LRMDA: variants seen among roughly 807,000 people sequenced by gnomAD.
LRMDA encodes the protein leucine-rich melanocyte differentiation-associated protein.
A neutral mutation model predicts 29.8 loss-of-function variants in LRMDA; 18 were observed. The ratio of observed to expected loss-of-function variants is 0.60; its 90% CI spans 0.42 to 0.90. The LOEUF (loss-of-function observed/expected upper bound fraction) is 0.90, where lower values mean the gene tolerates loss of function less well. Among genes scored for constraint, LRMDA ranks in the 40% least tolerant of loss-of-function variants. The pLI, the probability that LRMDA is intolerant of heterozygous loss-of-function variation, is 0.00. For missense variants in LRMDA, 273 were observed against 273.9 expected (o/e 1.00, Z 0.02); for synonymous variants, 125 against 109.4 (o/e 1.14, Z -0.89).
At chr10:76,305,080 G>C (rs1195189882) in intron 5 of LRMDA, among the ~76,000 whole-genome samples, 5 of 152,192 alleles carry the variant, frequency 3.3e-5, no homozygotes, top group Non-Finnish European at 2.9e-5. Flanking sequence ...CTGGGTTACA[G>C]GTCTTCTTTG....
intron 2 of LRMDA, among the ~76,000 whole-genome samples, chr10:75,736,897 T>C (rs552217800): frequency 2.3e-4 from 35 of 152,272 alleles, no homozygotes; most frequent in African/African-American, 7.7e-4. Flanking sequence ...AGACGCCAAC[T>C]GCCAGCTATT....
chr10:76,453,944 T>C (rs1463997987), intron 6 of LRMDA, among the ~76,000 whole-genome samples: 2 of 152,232 alleles, frequency 1.3e-5, no homozygotes, highest in East Asian at 3.8e-4. Flanking sequence ...TCAAAACTCA[T>C]TTCAAAGTTC....
intron 2 of LRMDA, among the ~76,000 whole-genome samples, chr10:75,674,566 T>C (rs1841938668): frequency 6.6e-6 from 1 of 152,176 alleles, no homozygotes; most frequent in African/African-American, 2.4e-5. Flanking sequence ...TGTTTGAGCC[T>C]TCTGCCTTGA....
intron 5 of LRMDA, among the ~76,000 whole-genome samples, chr10:76,178,700 C>T (rs1375646211): frequency 6.6e-6 from 1 of 152,120 alleles, no homozygotes. Context: ...GGATCTAGAC[C>T]ATCAGAAGAA....
chr10:76,557,131 T>C, intron 6 of LRMDA, 78 bp from the exon 7 acceptor site: 1 of 1,124,992 alleles, frequency 8.9e-7, no homozygotes, highest in East Asian at 2.3e-5. Context: ...TTATCTTGCA[T>C]GTCTGCTTTT....
intron 2 of LRMDA, among the ~76,000 whole-genome samples, chr10:75,905,005 A>G (rs568849431): frequency 6.6e-6 from 1 of 152,040 alleles, no homozygotes; most frequent in Non-Finnish European, 1.5e-5. Context: ...GGAGAAAGGG[A>G]AAAAAAAGTG....
chr10:76,180,209 G>A lies in LRMDA; in HGVS notation c.516+121426G>A, dbSNP rs190510510. On this transcript the variant is annotated intron_variant, in intron 5 of 6. Transcript: ENST00000611255. The stretch of plus-strand genomic sequence containing the variant: ...AAGGTGGTAAATCAGTCCCAGGATA[G>A]AAAGACTCCTGTGAGCCCAGTAGAG... 3.3e-5 allele frequency among the ~76,000 whole-genome samples: 5 copies of A among 149,854 alleles called. No homozygotes were observed. The East Asian group carries it at 1.0e-3, about 30-fold the overall frequency.
intron 2 of LRMDA, among the ~76,000 whole-genome samples, chr10:75,578,503 T>C (rs1274676160): frequency 6.6e-6 from 1 of 151,916 alleles, no homozygotes; most frequent in South Asian, 2.1e-4. Context: ...GACAGAAAAT[T>C]AACAAGGATA....
chr10:75,469,061 T>C (rs1377237559), intron 2 of LRMDA, among the ~76,000 whole-genome samples: 3 of 152,078 alleles, frequency 2.0e-5, no homozygotes, highest in Non-Finnish European at 4.4e-5. Context: ...GCAGAGCTCC[T>C]ATGGGAGAGC....
intron 2 of LRMDA, among the ~76,000 whole-genome samples, chr10:75,487,604 A>G (rs1844930653): frequency 6.6e-6 from 1 of 151,832 alleles, no homozygotes; most frequent in Non-Finnish European, 1.5e-5. Flanking sequence ...CCTCCTTCCT[A>G]TTCTCTTACA....
chr10:76,152,140 A>G (rs1360064619), intron 5 of LRMDA, among the ~76,000 whole-genome samples: 1 of 152,186 alleles, frequency 6.6e-6, no homozygotes, highest in Non-Finnish European at 1.5e-5. Context: ...CGTCATTCCA[A>G]AGAGACACCC....
intron 6 of LRMDA, among the ~76,000 whole-genome samples, chr10:76,555,206 G>A (rs1200424148): frequency 2.0e-5 from 3 of 152,116 alleles, no homozygotes; most frequent in Admixed American, 1.3e-4. Flanking sequence ...CCTGGCATGG[G>A]TGACAATATT....
intron 2 of LRMDA, among the ~76,000 whole-genome samples, chr10:75,548,861 A>G (rs1840110565): frequency 6.6e-6 from 1 of 152,140 alleles, no homozygotes; most frequent in Non-Finnish European, 1.5e-5. Context: ...TAACTCCTCA[A>G]AAAGTCTTTT....
intron 2 of LRMDA, among the ~76,000 whole-genome samples, chr10:75,635,591 T>C (rs562029298): frequency 6.3e-4 from 96 of 152,218 alleles, no homozygotes; most frequent in Non-Finnish European, 1.2e-3. Flanking sequence ...GGGAAAGAGA[T>C]GAATGGGCCC....
In LRMDA at chr10:75,721,151, A is replaced by G. The variant is rs370981111; in HGVS notation, c.131+282657A>G. 5.1e-4 allele frequency among the ~76,000 whole-genome samples: 78 copies of G among 152,306 alleles called. No homozygotes were observed. The South Asian group carries it at 0.016, about 30-fold the overall frequency. ...TCTGAGACTGTTTGTAATTTACAGT[A>G]TGTGACATTAGCCTTTGGACCAAAC... On this transcript the variant is annotated intron_variant, in intron 2 of 6. Coordinates refer to ENST00000611255, the MANE Select transcript of LRMDA (RefSeq NM_001305581.2).
chr10:76,144,490 G>C (rs890530209), intron 5 of LRMDA, among the ~76,000 whole-genome samples: 4 of 152,080 alleles, frequency 2.6e-5, no homozygotes, highest in African/African-American at 7.2e-5. Flanking sequence ...TTGGCTCTCT[G>C]TTTGTCTGTT....
intron 2 of LRMDA, among the ~76,000 whole-genome samples, chr10:75,518,501 G>A (rs2132035996): frequency 6.6e-6 from 1 of 152,328 alleles, no homozygotes; most frequent in Admixed American, 6.5e-5. Flanking sequence ...GGTATTTATA[G>A]TATTCTCTGA....
chr10:75,433,450 G>C (rs1347818764), intron 1 of LRMDA, among the ~76,000 whole-genome samples: 1 of 152,182 alleles, frequency 6.6e-6, no homozygotes, highest in Non-Finnish European at 1.5e-5. Context: ...AGCTAAGAAG[G>C]TAGGCTGGGA....
At chr10:76,416,246 C>T (rs923859029) in intron 6 of LRMDA, among the ~76,000 whole-genome samples, 6 of 152,148 alleles carry the variant, frequency 3.9e-5, no homozygotes, top group Admixed American at 3.3e-4. Flanking sequence ...GTTCACATGA[C>T]CCTTGCTGTG....
Sources: gnomAD v4.1 joint callset for allele counts (sites outside exome capture counted in the v4.1 genomes callset) on GRCh38, gnomAD v4.1.1 for gene constraint, MANE v1.5 for transcripts, NCBI Gene and HGNC (gene_info 2026-07-23, HGNC 2026-07-21) for gene names.